Variants in TEAD1 observed in about 807,000 individuals in gnomAD.
TEAD1 encodes transcriptional enhancer factor TEF-1.
In TEAD1, 9 loss-of-function variants were observed where a neutral mutation model predicts 54.9. The observed-to-expected ratio is 0.16, with a 90% confidence interval of 0.10 to 0.29. The LOEUF (loss-of-function observed/expected upper bound fraction) is 0.29. Ranked by LOEUF, TEAD1 falls within the 10% of genes least tolerant of loss-of-function variation. The probability of loss-of-function intolerance (pLI) is 1.00; values close to 1 mark genes in which losing one functional copy is unlikely to be tolerated. For synonymous variants in TEAD1, 200 were observed against 187.8 expected, an observed-to-expected ratio of 1.07 and a Z score of -0.53; for missense variants, 387 against 535.9, an observed-to-expected ratio of 0.72 and a Z score of 2.74.
intron 3 of TEAD1, among the ~76,000 whole-genome samples, chr11:12,796,968 C>G (rs2133969857): frequency 6.6e-6 from 1 of 152,174 alleles, no homozygotes; most frequent in East Asian, 1.9e-4. Flanking sequence ...AAAAAATTAG[C>G]TGGGTGTGGT....
intron 4 of TEAD1, 85 bp from the exon 5 acceptor site, chr11:12,864,753 G>A (rs1206075176): frequency 3.7e-6 from 6 of 1,611,724 alleles, no homozygotes; most frequent in East Asian, 2.2e-5. Flanking sequence ...ATTAAGGTAC[G>A]TCTGGCTTGC....
intron 3 of TEAD1, among the ~76,000 whole-genome samples, chr11:12,837,917 C>G (rs2134028444): frequency 6.6e-6 from 1 of 151,806 alleles, no homozygotes; most frequent in Admixed American, 6.6e-5. Context: ...ATTCTCCTGC[C>G]TCAGCCTCCC....
rs756716749 is a variant in TEAD1 at position 12,764,309 on chromosome 11, C to A, written c.77C>A (p.Pro26Gln). Residue 26 changes from proline (P) to glutamine (Q), a missense_variant, in exon 3 of 13, where the codon CCA becomes CAA. By Grantham distance (76) the Pro-to-Gln change is moderately conservative (BLOSUM62 -1). Transcript: ENST00000527636. Reference sequence around the variant, plus strand: ...AGGATGAGTGACTCTGCAGATAAGCCAATTGACAATGATGCAGAAGGGGTC... The same window carrying A: ...AGGATGAGTGACTCTGCAGATAAGCAAATTGACAATGATGCAGAAGGGGTC... The A allele has an allele frequency of 1.4e-5, 23 of 1,614,032 alleles. No homozygotes were observed. The East Asian group carries it at 4.9e-4, about 34-fold the overall frequency.
intron 3 of TEAD1, among the ~76,000 whole-genome samples, chr11:12,792,586 G>A (rs530343144): frequency 6.6e-6 from 1 of 152,186 alleles, no homozygotes; most frequent in Admixed American, 6.5e-5. Flanking sequence ...AGAACATAAG[G>A]TCTGGATATG....
intron 3 of TEAD1, among the ~76,000 whole-genome samples, chr11:12,778,023 ATATT>A (rs112878908): frequency 2.0e-3 from 301 of 152,324 alleles, no homozygotes; most frequent in African/African-American, 6.4e-3. Flanking sequence ...GCAATAATGA[ATATT>A]TATGCTTGCA....
intron 3 of TEAD1, chr11:12,822,694 A>T (rs1334220104): frequency 6.6e-6 from 1 of 152,248 alleles, no homozygotes; most frequent in Non-Finnish European, 1.5e-5. Context: ...TTCCCTAGTC[A>T]TGCAGCTCAC....
intron 3 of TEAD1, among the ~76,000 whole-genome samples, chr11:12,816,099 A>G (rs1466073433): frequency 6.6e-6 from 1 of 152,180 alleles, no homozygotes; most frequent in Non-Finnish European, 1.5e-5. Flanking sequence ...TCTGTTGGGC[A>G]GTCACGGGGG....
intron 10 of TEAD1, among the ~76,000 whole-genome samples, chr11:12,905,355 C>T (rs975433892): frequency 2.0e-5 from 3 of 152,060 alleles, no homozygotes; most frequent in Admixed American, 1.3e-4. Flanking sequence ...AATTTAGAAA[C>T]AGTTACTCCG....
rs578054354 is a variant in TEAD1 at position 12,804,058 on chromosome 11, G to C, written c.202+39624G>C. ...CAGGAAATCATGAAGCTTAGGTCCA[G>C]TGATAAAATAGTAGAATTTAATTTT... On this transcript the variant is annotated intron_variant, in intron 3 of 12. Coordinates refer to ENST00000527636, the MANE Select transcript of TEAD1 (RefSeq NM_021961.6). 5.9e-5 allele frequency among the ~76,000 whole-genome samples: 9 copies of C among 152,348 alleles called. No individual in the cohort carries two copies. The East Asian group carries it at 1.7e-3, about 29-fold the overall frequency.
At chr11:12,714,904 C>T (rs967112806) in intron 2 of TEAD1, among the ~76,000 whole-genome samples, 5 of 152,130 alleles carry the variant, frequency 3.3e-5, no homozygotes, top group African/African-American at 1.2e-4. Context: ...TTGTTAATCA[C>T]CTCTTTAAAA....
At chr11:12,827,121 C>T (rs1411491284) in intron 3 of TEAD1, among the ~76,000 whole-genome samples, 1 of 152,096 alleles carries the variant, frequency 6.6e-6, no homozygotes, top group African/African-American at 2.4e-5. Flanking sequence ...GTGGATTTTC[C>T]TGAGTAGTGA....
intron 5 of TEAD1, chr11:12,865,120 C>A: frequency 1.7e-6 from 1 of 601,732 alleles, no homozygotes; most frequent in South Asian, 1.8e-5. Context: ...TGTGTGTGTG[C>A]GTGTGTATGT....
intron 3 of TEAD1, among the ~76,000 whole-genome samples, chr11:12,780,496 G>A (rs534175079): frequency 2.6e-5 from 4 of 152,020 alleles, no homozygotes; most frequent in East Asian, 1.9e-4. Context: ...CGCCTGCCTC[G>A]GTCTCCCAAA....
intron 11 of TEAD1, 114 bp from the exon 12 acceptor site, chr11:12,930,060 A>G: frequency 8.6e-7 from 1 of 1,156,976 alleles, no homozygotes; most frequent in Non-Finnish European, 1.3e-6. Flanking sequence ...GTAGTATAGC[A>G]TATAGAAGAT....
intron 9 of TEAD1, among the ~76,000 whole-genome samples, chr11:12,887,870 C>T (rs1423969805): frequency 6.6e-6 from 1 of 152,144 alleles, no homozygotes; most frequent in East Asian, 1.9e-4. Flanking sequence ...AATTAAAGGG[C>T]CCTAAGTAAG....
At chr11:12,859,035 T>A (rs1947447147) in intron 3 of TEAD1, among the ~76,000 whole-genome samples, 1 of 152,128 alleles carries the variant, frequency 6.6e-6, no homozygotes, top group African/African-American at 2.4e-5. Context: ...CCATTATAAT[T>A]TTATGGGACC....
intron 2 of TEAD1, among the ~76,000 whole-genome samples, chr11:12,692,658 G>A (rs1943485691): frequency 6.6e-6 from 1 of 152,160 alleles, no homozygotes; most frequent in African/African-American, 2.4e-5. Flanking sequence ...AATTCACAAG[G>A]CAGGCTTCTG....
intron 10 of TEAD1, among the ~76,000 whole-genome samples, chr11:12,909,726 CCAG>C (rs1948584211): frequency 6.6e-6 from 1 of 152,148 alleles, no homozygotes; most frequent in African/African-American, 2.4e-5. Flanking sequence ...CTGACCCTGG[CCAG>C]CATAGAAGAC....
intron 3 of TEAD1, among the ~76,000 whole-genome samples, chr11:12,846,293 C>A (rs1218851775): frequency 7.8e-6 from 1 of 128,414 alleles, no homozygotes; most frequent in African/African-American, 2.9e-5. Context: ...ACAGCTTAAA[C>A]ACCTGCCCAA....
Sources: gnomAD v4.1 joint callset for allele counts (sites outside exome capture counted in the v4.1 genomes callset) on GRCh38, gnomAD v4.1.1 for gene constraint, MANE v1.5 for transcripts, NCBI Gene and HGNC (gene_info 2026-07-23, HGNC 2026-07-21) for gene names.